The following TM2D1 variants were observed in gnomAD, a reference collection of about 807,000 sequenced individuals.
TM2D1 encodes the protein TM2 domain-containing protein 1.
In TM2D1, 15 loss-of-function variants were observed where a neutral mutation model predicts 28.4. The ratio of observed to expected loss-of-function variants is 0.53; its 90% CI spans 0.35 to 0.81. The LOEUF is 0.81. Among genes scored for constraint, TM2D1 ranks in the 40% least tolerant of loss-of-function variants. TM2D1 has a pLI of 0.01. For missense variants in TM2D1, 236 were observed against 254.9 expected, an observed-to-expected ratio of 0.93 and a Z score of 0.50; for synonymous variants, 93 against 96.2, an observed-to-expected ratio of 0.97 and a Z score of 0.20.
chr1:61,709,588 C>T (rs111731682), intron 2 of TM2D1, among the ~76,000 whole-genome samples, 151 bp from the exon 3 acceptor site: 13 of 152,124 alleles, frequency 8.5e-5, no homozygotes, highest in African/African-American at 2.2e-4. Flanking sequence ...AGTGACACTA[C>T]GTATGTACTT....
Position 61,723,708 on chromosome 1 carries a change from C to A in TM2D1, c.238+5G>T. ...TTTTTAAAGACATGTTTCTTGAAGT[C>A]TTACCATGAGCTGTGTAGTTTGTAC... On this transcript the variant is annotated splice_donor_5th_base_variant and intron_variant, in intron 2 of 6. Transcript: ENST00000606498. The A allele has an allele frequency of 6.8e-7, 1 of 1,470,986 alleles. No individual in the cohort carries two copies. The highest frequency in any genetic ancestry group is 1.4e-5 in the South Asian group (1 of 70,882). 91.1% of individuals were successfully genotyped at this position (1,470,986 alleles called of 1,614,324 possible).
chr1:61,709,548 T>C (rs1440787495), intron 2 of TM2D1, 111 bp from the exon 3 acceptor site: 1 of 718,884 alleles, frequency 1.4e-6, no homozygotes, highest in Non-Finnish European at 2.4e-6. Context: ...CAATATAACA[T>C]GACACAAGCC....
At chr1:61,691,932 A>AAAAAAAAAAAATATATATATAT in intron 5 of TM2D1, among the ~76,000 whole-genome samples, 1 of 76,402 alleles carries the variant, frequency 1.3e-5, no homozygotes, top group South Asian at 4.4e-4. Flanking sequence ...AAAAAAAAAA[A>AAAAAAAAAAAATATATATATAT]ATATATATAT....
intron 2 of TM2D1, among the ~76,000 whole-genome samples, chr1:61,711,349 A>G (rs1644477921): frequency 6.6e-6 from 1 of 151,756 alleles, no homozygotes; most frequent in Non-Finnish European, 1.5e-5. Flanking sequence ...AAAAAGAAAA[A>G]AAAATATACA....
At chr1:61,691,937 ATATATATATATATATATATATATG>A (rs1644330191) in intron 5 of TM2D1, among the ~76,000 whole-genome samples, 1 of 77,784 alleles carries the variant, frequency 1.3e-5, no homozygotes, top group Non-Finnish European at 2.3e-5. Context: ...AAAAAAATAT[ATATATATATATATATATATATATG>A]TATATATATA....
chr1:61,711,675 G>A (rs1229560715), intron 2 of TM2D1, among the ~76,000 whole-genome samples: 1 of 152,016 alleles, frequency 6.6e-6, no homozygotes, highest in Non-Finnish European at 1.5e-5. Flanking sequence ...CAGGCAATTG[G>A]TATGTAGCTA....
intron 2 of TM2D1, among the ~76,000 whole-genome samples, chr1:61,713,488 CAAAAAAAAAA>C (rs369601221): frequency 0.089 from 8,130 of 91,558 alleles, 729 homozygotes; most frequent in African/African-American, 0.27. Flanking sequence ...AACTCAAAAA[CAAAAAAAAAA>C]AAAAAAAAAA....
intron 2 of TM2D1, 28 bp from the exon 3 acceptor site, chr1:61,709,465 T>C: frequency 6.6e-7 from 1 of 1,518,356 alleles, no homozygotes; most frequent in Non-Finnish European, 9.1e-7. Context: ...CAAGAAACTG[T>C]TATTTTTTTT....
At chr1:61,713,151 T>C (rs147961751) in intron 2 of TM2D1, among the ~76,000 whole-genome samples, 1,681 of 143,268 alleles carry the variant, frequency 0.012, 23 homozygotes, top group African/African-American at 0.041. Flanking sequence ...GCCAGGGAGA[T>C]AGAATGAGAC....
intron 2 of TM2D1, among the ~76,000 whole-genome samples, chr1:61,710,818 T>C (rs1644473453): frequency 6.6e-6 from 1 of 152,080 alleles, no homozygotes; most frequent in South Asian, 2.1e-4. Context: ...TTCCAACAAA[T>C]CATTGTCCTC....
At chr1:61,682,386 A>T (rs1644250631) in intron 6 of TM2D1, among the ~76,000 whole-genome samples, 1 of 152,214 alleles carries the variant, frequency 6.6e-6, no homozygotes, top group Admixed American at 6.5e-5. Flanking sequence ...GATATATAGG[A>T]TTTCTCTATT....
intron 3 of TM2D1, among the ~76,000 whole-genome samples, chr1:61,704,946 G>A (rs920188913): frequency 6.6e-6 from 1 of 152,096 alleles, no homozygotes; most frequent in African/African-American, 2.4e-5. Flanking sequence ...GCCAAATGCT[G>A]CAGAAAGATT....
intron 5 of TM2D1, among the ~76,000 whole-genome samples, chr1:61,684,015 A>C (rs1011671777): frequency 6.6e-6 from 1 of 152,168 alleles, no homozygotes; most frequent in Non-Finnish European, 1.5e-5. Context: ...TACTATATCC[A>C]TGGGAATAGA....
chr1:61,692,120 T>C (rs1356724924), intron 5 of TM2D1, among the ~76,000 whole-genome samples: 1 of 151,316 alleles, frequency 6.6e-6, no homozygotes, highest in Non-Finnish European at 1.5e-5. Context: ...TTCTGGACTG[T>C]ATTCTATGTA....
chr1:61,685,959 G>T (rs1288652374), intron 5 of TM2D1, among the ~76,000 whole-genome samples: 3 of 152,176 alleles, frequency 2.0e-5, no homozygotes, highest in Non-Finnish European at 4.4e-5. Context: ...GTTGCAGTGA[G>T]CTATGATCAC....
intron 3 of TM2D1, among the ~76,000 whole-genome samples, chr1:61,708,461 G>A (rs149216112): frequency 1.3e-5 from 2 of 152,268 alleles, no homozygotes; most frequent in African/African-American, 2.4e-5. Context: ...TCACTATGCT[G>A]CCCAGGCTAA....
chr1:61,713,936 C>T (rs1308187663), intron 2 of TM2D1, among the ~76,000 whole-genome samples: 6 of 142,736 alleles, frequency 4.2e-5, no homozygotes, highest in South Asian at 2.3e-4. Flanking sequence ...TCGCCCAGGC[C>T]GGACTGCGGA....
At chr1:61,719,492 T>C (rs113252315) in intron 2 of TM2D1, among the ~76,000 whole-genome samples, 162 of 152,136 alleles carry the variant, frequency 1.1e-3, no homozygotes, top group Non-Finnish European at 1.9e-3. Flanking sequence ...TGTGGGTTTT[T>C]TTGTTTTTGT....
At chr1:61,713,964 C>T (rs1346072530) in intron 2 of TM2D1, among the ~76,000 whole-genome samples, 6 of 143,572 alleles carry the variant, frequency 4.2e-5, no homozygotes, top group African/African-American at 7.7e-5. Flanking sequence ...GGCGCAATCT[C>T]GGCTCACTGC....
Sources: allele counts gnomAD v4.1 joint callset (sites outside exome capture counted in the v4.1 genomes callset), GRCh38; gene constraint gnomAD v4.1.1; transcripts MANE v1.5; gene names NCBI Gene and HGNC (gene_info 2026-07-23, HGNC 2026-07-21).